Variants in MED12L observed in about 807,000 individuals in gnomAD.
MED12L encodes mediator complex subunit 12L.
MED12L carries 60 observed loss-of-function variants against 281.3 expected under a neutral mutation model. The observed-to-expected ratio is 0.21, with a 90% CI of 0.17 to 0.26. MED12L has a LOEUF of 0.26. MED12L is among the 10% of genes least tolerant of loss of function. The pLI is 1.00. For synonymous variants in MED12L, 974 were observed against 987.2 expected (o/e 0.99, Z 0.25); for missense variants, 2,146 against 2,680.9 (o/e 0.80, Z 4.41).
intron 16 of MED12L, among the ~76,000 whole-genome samples, chr3:151,315,158 T>C (rs1432579039): frequency 6.6e-6 from 1 of 152,216 alleles, no homozygotes; most frequent in East Asian, 1.9e-4. Flanking sequence ...AAGGAACTAA[T>C]GGCCATTGTG....
chr3:151,405,642 G>A (rs914696774), intron 39 of MED12L, among the ~76,000 whole-genome samples: 2 of 152,106 alleles, frequency 1.3e-5, no homozygotes, highest in Non-Finnish European at 2.9e-5. Context: ...GTCTCACTTT[G>A]TGTTTCACAT....
intron 16 of MED12L, among the ~76,000 whole-genome samples, chr3:151,282,853 T>A (rs555614575): frequency 2.0e-5 from 3 of 152,330 alleles, no homozygotes; most frequent in Admixed American, 6.5e-5. Flanking sequence ...TGTAATCTGA[T>A]AGGAAAACAT....
chr3:151,278,465 A>G (rs1742271643), intron 16 of MED12L: 1 of 150,680 alleles, frequency 6.6e-6, no homozygotes, highest in Admixed American at 6.6e-5. Flanking sequence ...GTCAGATAGA[A>G]TTTATTGAAG....
intron 16 of MED12L, among the ~76,000 whole-genome samples, chr3:151,233,500 G>A (rs928045135): frequency 1.3e-5 from 2 of 152,216 alleles, no homozygotes; most frequent in Admixed American, 6.5e-5. Flanking sequence ...TTGGGAGGCC[G>A]AGGCTGGCGG....
chr3:151,153,308 T>C (rs1374909226), intron 5 of MED12L, among the ~76,000 whole-genome samples: 1 of 152,172 alleles, frequency 6.6e-6, no homozygotes, highest in Non-Finnish European at 1.5e-5. Flanking sequence ...GTCATTCTTT[T>C]CAATCCTGAC....
chr3:151,238,565 C>T (rs530867157), intron 16 of MED12L, among the ~76,000 whole-genome samples: 1 of 152,278 alleles, frequency 6.6e-6, no homozygotes, highest in Admixed American at 6.5e-5. Context: ...CTATTTTCAT[C>T]GTGCTGAAAT....
chr3:151,307,430 T>G (rs1008676336), intron 16 of MED12L, among the ~76,000 whole-genome samples: 1 of 152,158 alleles, frequency 6.6e-6, no homozygotes, highest in Admixed American at 6.5e-5. Flanking sequence ...TACACTGATG[T>G]TCTGTTCTCA....
intron 16 of MED12L, among the ~76,000 whole-genome samples, chr3:151,218,160 A>G (rs6440725): frequency 0.041 from 6,252 of 152,308 alleles, 426 homozygotes; most frequent in African/African-American, 0.14. Context: ...TGCTGATTTT[A>G]TACAAAAATG....
intron 16 of MED12L, among the ~76,000 whole-genome samples, chr3:151,215,079 G>T (rs897936004): frequency 3.3e-5 from 5 of 151,100 alleles, no homozygotes; most frequent in African/African-American, 1.2e-4. Flanking sequence ...CGGTATTTTT[G>T]GTATGGGATT....
At chr3:151,120,230 A>C (rs994575064) in intron 3 of MED12L, among the ~76,000 whole-genome samples, 4 of 152,002 alleles carry the variant, frequency 2.6e-5, no homozygotes, top group African/African-American at 7.3e-5. Flanking sequence ...TCTCAAAAAA[A>C]AAAACAAAAC....
intron 39 of MED12L, among the ~76,000 whole-genome samples, chr3:151,403,126 G>A (rs2108306283): frequency 6.6e-6 from 1 of 151,302 alleles, no homozygotes; most frequent in Middle Eastern, 3.4e-3. Flanking sequence ...TCATTTCACT[G>A]TTAACTCGGT....
At chr3:151,274,201 TAATG>T (rs1292431773) in intron 16 of MED12L, among the ~76,000 whole-genome samples, 4 of 152,220 alleles carry the variant, frequency 2.6e-5, no homozygotes, top group African/African-American at 4.8e-5. Context: ...CAAATTAAAA[TAATG>T]TATTTAAGGT....
chr3:151,191,433 GTAGAAGTGTCC>G (rs1723968162), intron 14 of MED12L, among the ~76,000 whole-genome samples: 1 of 152,102 alleles, frequency 6.6e-6, no homozygotes, highest in Admixed American at 6.5e-5. Flanking sequence ...CTCAAATGTT[GTAGAAGTGTCC>G]TTTTCAACAA....
chr3:151,147,818 A>G (rs549982987), intron 5 of MED12L, among the ~76,000 whole-genome samples: 14 of 152,276 alleles, frequency 9.2e-5, no homozygotes, highest in Middle Eastern at 3.4e-3. Flanking sequence ...TGCTATGAAC[A>G]TTTGTTTACA....
At position 151,086,803 on chromosome 3, in the gene MED12L, C is replaced by CAGCGAGCG. The variant is rs925298962; in HGVS notation, c.-113_-106dup. 13 of 731,020 alleles carry CAGCGAGCG rather than the reference C, an allele frequency of 1.8e-5. No homozygotes were observed. Among genetic ancestry groups the CAGCGAGCG allele is most frequent in the East Asian group, 1.2e-4 (4 of 34,040 alleles). The allele number at this position is 731,020 out of a possible 1,614,324, so 45.3% of individuals were successfully genotyped here. On this transcript the variant is annotated 5_prime_UTR_variant, in exon 2 of 45. Coordinates refer to ENST00000687756, the MANE Select transcript of MED12L (RefSeq NM_001393769.1). ...TTTATTCCTCCTGCCTGCAGCGCCACAGCGAGCGAGCGAGCGAGGAGGGGG... is the reference window on the plus strand; with the variant it reads ...TTTATTCCTCCTGCCTGCAGCGCCACAGCGAGCGAGCGAGCGAGCGAGCGAGGAGGGGG...
intron 43 of MED12L, among the ~76,000 whole-genome samples, chr3:151,418,688 C>T (rs752858745): frequency 8.6e-5 from 13 of 152,010 alleles, no homozygotes; most frequent in Non-Finnish European, 1.5e-4. Context: ...GATAGATCTC[C>T]CCACTGTGAA....
chr3:151,404,665 A>C (rs907355768), intron 39 of MED12L, among the ~76,000 whole-genome samples: 2 of 152,192 alleles, frequency 1.3e-5, no homozygotes, highest in African/African-American at 2.4e-5. Flanking sequence ...ACTTTTTTCC[A>C]AATCAGTATT....
At chr3:151,400,048 A>G (rs1417791755) in intron 39 of MED12L, among the ~76,000 whole-genome samples, 6 of 152,164 alleles carry the variant, frequency 3.9e-5, no homozygotes, top group Non-Finnish European at 8.8e-5. Flanking sequence ...GCTGGTCTCG[A>G]ACTCCTGACC....
chr3:151,177,800 A>AT (rs1274941522), intron 11 of MED12L, among the ~76,000 whole-genome samples: 1 of 152,142 alleles, frequency 6.6e-6, no homozygotes. Flanking sequence ...GCCAATAAAT[A>AT]TTTTTTAATT....
Sources: allele counts gnomAD v4.1 joint callset (sites outside exome capture counted in the v4.1 genomes callset), GRCh38; gene constraint gnomAD v4.1.1; transcripts MANE v1.5; gene names NCBI Gene and HGNC (gene_info 2026-07-23, HGNC 2026-07-21).